TCF7L2: variants seen among roughly 807,000 people sequenced by gnomAD.
TCF7L2 encodes the protein transcription factor 7 like 2.
In TCF7L2, 23 loss-of-function variants were observed where a neutral mutation model predicts 77.9. That is an observed-to-expected ratio of 0.30 (90% CI 0.21 to 0.42). TCF7L2 has a LOEUF of 0.42. Ranked by LOEUF, TCF7L2 falls within the 10% of genes least tolerant of loss-of-function variation. The pLI is 1.00. For missense variants in TCF7L2, 654 were observed against 793.1 expected, an observed-to-expected ratio of 0.82 and a Z score of 2.11; for synonymous variants, 413 against 340.2, an observed-to-expected ratio of 1.21 and a Z score of -2.36.
intron 5 of TCF7L2, chr10:113,129,796 G>T (rs1592099084): frequency 2.3e-6 from 3 of 1,286,104 alleles, no homozygotes; most frequent in East Asian, 5.6e-5. Context: ...AGAAAAACTG[G>T]CCCAGTCCCA....
Position 113,165,677 on chromosome 10 carries a change from G to T in TCF7L2, c.1514G>T (p.Arg505Leu). 1 of 1,319,046 alleles carries T rather than the reference G, an allele frequency of 7.6e-7. No individual in the cohort carries two copies. Among genetic ancestry groups the T allele is most frequent in the Non-Finnish European group, 1.0e-6 (1 of 999,682 alleles). The allele number at this position is 1,319,046 out of a possible 1,614,324, so 81.7% of individuals were successfully genotyped here. A position where few individuals can be genotyped will look rare whatever the true frequency, so the allele number is the denominator to read the frequency against. The change falls in exon 14 of 14, where the codon CGA becomes CTA. Residue 505 changes from arginine to leucine, a missense_variant. Physicochemically the swap from Arg to Leu is moderately radical, Grantham distance 102. This residue lies in a region of TCF7L2 where 272 missense variants were observed against 215.4 expected (regional missense o/e 1.26). Coordinates refer to ENST00000627217, the MANE Select transcript of TCF7L2 (RefSeq NM_001146274.2). ...CCGAACCTGCTAGGCTCCCCTCCCC[G>T]AGACGCCAAGTCACAGACTGAGCAG...
At chr10:113,046,495 A>G (rs1224114082) in intron 5 of TCF7L2, among the ~76,000 whole-genome samples, 1 of 152,152 alleles carries the variant, frequency 6.6e-6, no homozygotes, top group Admixed American at 6.5e-5. Flanking sequence ...GGAAATGCTC[A>G]ACTCCTTAAT....
In TCF7L2 at chr10:113,089,492, G is replaced by A. The variant is rs1383810553; in HGVS notation, c.552+49366G>A. The A allele has an allele frequency of 5.6e-6, 9 of 1,613,786 alleles. No homozygotes were observed. The East Asian group carries it at 2.0e-4, about 36-fold the overall frequency. ...TCAGCACTCAAGTCTTCAGGGACAT[G>A]AAAAGGAGCCACTCCTTACAAAAAG... is the stretch of plus-strand genomic sequence containing the variant. On this transcript the variant is annotated intron_variant, in intron 5 of 13. Transcript: ENST00000627217.
At chr10:113,135,848 A>G (rs192944829) in intron 5 of TCF7L2, among the ~76,000 whole-genome samples, 1 of 152,324 alleles carries the variant, frequency 6.6e-6, no homozygotes, top group African/African-American at 2.4e-5. Flanking sequence ...TATTTGCTGA[A>G]AATGGTCTAG....
At chr10:113,035,033 C>G (rs778613928) in intron 4 of TCF7L2, among the ~76,000 whole-genome samples, 3 of 150,350 alleles carry the variant, frequency 2.0e-5, no homozygotes, top group African/African-American at 7.3e-5. Flanking sequence ...CTCTTTCTCT[C>G]TTTCTTTCAA....
At chr10:113,018,516 C>T (rs972264606) in intron 4 of TCF7L2, among the ~76,000 whole-genome samples, 5 of 143,634 alleles carry the variant, frequency 3.5e-5, no homozygotes, top group African/African-American at 1.1e-4. Context: ...GACGCGGTCT[C>T]GGCTCACTGC....
chr10:113,032,759 C>G lies in TCF7L2; in HGVS notation c.451-7266C>G, dbSNP rs116823973. Reference sequence around the variant, plus strand: ...GGTCTTGCTCTGTTGGCCTTAGTTTCCTCCTTGCTAACAGGTTAGTTCCAC... The same window carrying G: ...GGTCTTGCTCTGTTGGCCTTAGTTTGCTCCTTGCTAACAGGTTAGTTCCAC... On this transcript the variant is annotated intron_variant, in intron 4 of 13. Transcript: ENST00000627217. Among the ~76,000 whole-genome samples, 999 of 152,262 alleles carry G rather than the reference C, an allele frequency of 6.6e-3. 15 individuals are homozygous for G. The highest frequency in any genetic ancestry group is 0.023 in the African/African-American group (962 of 41,536).
chr10:113,164,313 T>C (rs1054846905), intron 13 of TCF7L2, among the ~76,000 whole-genome samples: 1 of 152,190 alleles, frequency 6.6e-6, no homozygotes, highest in African/African-American at 2.4e-5. Context: ...ATTTCTTACA[T>C]GAATGAGTAG....
At chr10:113,052,194 C>G (rs2054590369) in intron 5 of TCF7L2, among the ~76,000 whole-genome samples, 1 of 152,072 alleles carries the variant, frequency 6.6e-6, no homozygotes, top group South Asian at 2.1e-4. Context: ...GATCCAAGGA[C>G]TCTGAGCCGA....
intron 4 of TCF7L2, among the ~76,000 whole-genome samples, chr10:113,021,240 C>T (rs1022368683): frequency 3.9e-5 from 6 of 152,058 alleles, no homozygotes; most frequent in Non-Finnish European, 8.8e-5. Flanking sequence ...AAAACTCATC[C>T]GGAAAATGGG....
intron 5 of TCF7L2, among the ~76,000 whole-genome samples, chr10:113,056,660 G>A (rs1040338389): frequency 1.3e-5 from 2 of 152,174 alleles, no homozygotes; most frequent in African/African-American, 4.8e-5. Context: ...AACCACAAAA[G>A]CCATTTATTT....
intron 3 of TCF7L2, among the ~76,000 whole-genome samples, chr10:112,952,142 C>T (rs758989496): frequency 7.5e-4 from 114 of 152,320 alleles, no homozygotes; most frequent in Non-Finnish European, 1.4e-3. Flanking sequence ...GAGTGGGTTT[C>T]CTCCAGGCAT....
intron 5 of TCF7L2, among the ~76,000 whole-genome samples, chr10:113,120,088 G>A (rs754528406): frequency 1.2e-4 from 19 of 152,216 alleles, no homozygotes; most frequent in Non-Finnish European, 2.1e-4. Flanking sequence ...GAATTTCATC[G>A]ACTGATGAGA....
intron 12 of TCF7L2, 138 bp downstream of exon 14, chr10:113,160,130 A>T (rs1354324812): frequency 2.5e-5 from 18 of 724,658 alleles, no homozygotes; most frequent in Non-Finnish European, 4.2e-5. Flanking sequence ...TGCCAAGTGT[A>T]TGGGTTCTAT....
chr10:112,994,949 A>T (rs1205320605), intron 4 of TCF7L2, among the ~76,000 whole-genome samples: 1 of 151,954 alleles, frequency 6.6e-6, no homozygotes, highest in Non-Finnish European at 1.5e-5. Context: ...AAAATACAAA[A>T]ATTAGCCAGG....
At chr10:113,043,484 G>T (rs1223301751) in intron 5 of TCF7L2, among the ~76,000 whole-genome samples, 1 of 152,162 alleles carries the variant, frequency 6.6e-6, no homozygotes, top group East Asian at 1.9e-4. Context: ...TGTGTTCAGA[G>T]GAGAGAGGAA....
chr10:112,963,228 T>A (rs1292869965), intron 3 of TCF7L2, among the ~76,000 whole-genome samples: 1 of 152,232 alleles, frequency 6.6e-6, no homozygotes, highest in Non-Finnish European at 1.5e-5. Context: ...ACTATTTTTT[T>A]TATGGGATTA....
chr10:112,985,062 G>A (rs1303483328), intron 4 of TCF7L2, among the ~76,000 whole-genome samples: 3 of 152,122 alleles, frequency 2.0e-5, no homozygotes, highest in African/African-American at 4.8e-5. Flanking sequence ...GATTAAATGG[G>A]ATAACATGTA....
intron 5 of TCF7L2, among the ~76,000 whole-genome samples, chr10:113,111,038 C>CT (rs60667705): frequency 0.03 from 4,390 of 146,040 alleles, 189 homozygotes; most frequent in African/African-American, 0.095. Context: ...TTTGGGATTC[C>CT]TTTTTTTTTT....
Sources: gnomAD v4.1 joint callset for allele counts (sites outside exome capture counted in the v4.1 genomes callset) on GRCh38, gnomAD v4.1.1 for gene constraint, gnomAD v4.1.1 regional missense constraint, MANE v1.5 for transcripts, NCBI Gene and HGNC (gene_info 2026-07-23, HGNC 2026-07-21) for gene names.